The following IQCM variants were observed in gnomAD, a reference collection of about 807,000 sequenced individuals.
IQCM encodes IQ motif containing M, also known as IQ domain-containing protein M.
In IQCM, 45 loss-of-function variants were observed where a neutral mutation model predicts 57.6. The observed-to-expected ratio is 0.78, with a 90% CI of 0.62 to 1.00. The LOEUF is 1.00. Ranked by LOEUF, IQCM falls within the 50% of genes least tolerant of loss-of-function variation. IQCM has a pLI of 0.00. For synonymous variants in IQCM, 148 were observed against 158.9 expected (o/e 0.93, Z 0.51); for missense variants, 468 against 511.6 (o/e 0.91, Z 0.82).
At chr4:149,675,151 A>T (rs1002867807) in intron 7 of IQCM, among the ~76,000 whole-genome samples, 3 of 152,112 alleles carry the variant, frequency 2.0e-5, no homozygotes, top group Admixed American at 2.0e-4. Flanking sequence ...TCTATCCAAG[A>T]TAAATATCAC....
intron 12 of IQCM, among the ~76,000 whole-genome samples, chr4:149,485,624 T>C (rs2149762296): frequency 6.6e-6 from 1 of 152,238 alleles, no homozygotes; most frequent in East Asian, 1.9e-4. Context: ...CTCTATGTTA[T>C]CTTGAATTGA....
At chr4:149,788,242 G>T (rs1772252400) in intron 2 of IQCM, among the ~76,000 whole-genome samples, 1 of 152,196 alleles carries the variant, frequency 6.6e-6, no homozygotes. Flanking sequence ...GCTAAGGCAG[G>T]AGGATCGCTT....
At chr4:149,471,231 C>G (rs534675936) in intron 12 of IQCM, among the ~76,000 whole-genome samples, 1 of 151,876 alleles carries the variant, frequency 6.6e-6, no homozygotes, top group African/African-American at 2.4e-5. Flanking sequence ...GCAAGACCAA[C>G]AAAGAAGAAA....
chr4:149,679,414 A>T (rs1444408630), intron 7 of IQCM, among the ~76,000 whole-genome samples: 1 of 151,546 alleles, frequency 6.6e-6, no homozygotes, highest in Non-Finnish European at 1.5e-5. Context: ...ATGTAAATAT[A>T]TGGGTTGCCA....
chr4:149,803,284 A>C (rs992190248), intron 2 of IQCM, among the ~76,000 whole-genome samples: 1 of 152,034 alleles, frequency 6.6e-6, no homozygotes, highest in Admixed American at 6.6e-5. Context: ...ATTCCCATGT[A>C]ATATATTATA....
At chr4:149,613,028 A>T (rs1755442931) in intron 8 of IQCM, among the ~76,000 whole-genome samples, 1 of 152,072 alleles carries the variant, frequency 6.6e-6, no homozygotes, top group Admixed American at 6.6e-5. Flanking sequence ...TGACCCCCCA[A>T]AATTAGGAAA....
chr4:149,491,012 G>T (rs753176438), intron 12 of IQCM, among the ~76,000 whole-genome samples: 3 of 151,964 alleles, frequency 2.0e-5, no homozygotes, highest in Non-Finnish European at 2.9e-5. Context: ...CATAAAGTAC[G>T]TGAGTGGAAC....
intron 12 of IQCM, among the ~76,000 whole-genome samples, chr4:149,545,341 T>C (rs1209204871): frequency 6.6e-6 from 1 of 152,024 alleles, no homozygotes; most frequent in East Asian, 1.9e-4. Context: ...AAATAAATGA[T>C]AAAGATACAA....
At chr4:149,563,224 T>A (rs1420350317) in intron 10 of IQCM, among the ~76,000 whole-genome samples, 1 of 152,172 alleles carries the variant, frequency 6.6e-6, no homozygotes, top group Non-Finnish European at 1.5e-5. Flanking sequence ...GAAGGAAAGT[T>A]GCTCTAAACA....
At chr4:149,627,315 A>T (rs930980959) in intron 7 of IQCM, among the ~76,000 whole-genome samples, 1 of 152,192 alleles carries the variant, frequency 6.6e-6, no homozygotes, top group African/African-American at 2.4e-5. Flanking sequence ...CCAGGCATTG[A>T]CACCTGATCA....
intron 12 of IQCM, among the ~76,000 whole-genome samples, chr4:149,498,502 G>C (rs1742902370): frequency 6.6e-6 from 1 of 152,114 alleles, no homozygotes; most frequent in South Asian, 2.1e-4. Flanking sequence ...TGCCTTCTGA[G>C]CAAGGGGATC....
At chr4:149,583,591 C>A (rs568904007) in intron 9 of IQCM, among the ~76,000 whole-genome samples, 2 of 151,646 alleles carry the variant, frequency 1.3e-5, no homozygotes, top group East Asian at 3.9e-4. Flanking sequence ...AAAAATACAT[C>A]AAAAGAGTGT....
intron 12 of IQCM, among the ~76,000 whole-genome samples, chr4:149,478,163 T>C (rs960482292): frequency 6.6e-6 from 1 of 152,130 alleles, no homozygotes; most frequent in Non-Finnish European, 1.5e-5. Context: ...GAAAAGCACA[T>C]GAAAAGCCCC....
intron 2 of IQCM, among the ~76,000 whole-genome samples, chr4:149,756,474 G>A (rs1380538894): frequency 1.3e-5 from 2 of 151,980 alleles, no homozygotes; most frequent in African/African-American, 4.8e-5. Flanking sequence ...CTAAGTCTAA[G>A]AAATCATACA....
At chr4:149,735,634 C>T (rs906833903) in intron 3 of IQCM, among the ~76,000 whole-genome samples, 176 bp from the exon 4 acceptor site, 3 of 152,096 alleles carry the variant, frequency 2.0e-5, no homozygotes, top group African/African-American at 7.2e-5. Context: ...TCCTAAGTTA[C>T]TTCAGTCCAG....
At chr4:149,443,889 T>C (rs928767479) in intron 12 of IQCM, among the ~76,000 whole-genome samples, 1 of 151,936 alleles carries the variant, frequency 6.6e-6, no homozygotes, top group Non-Finnish European at 1.5e-5. Flanking sequence ...TAGGGAGATG[T>C]TTGGAAGGAG....
chr4:149,809,691 T>G (rs1429204489), intron 2 of IQCM, among the ~76,000 whole-genome samples: 1 of 152,186 alleles, frequency 6.6e-6, no homozygotes, highest in African/African-American at 2.4e-5. Flanking sequence ...CATTAGGATG[T>G]GCTCTGGTCC....
intron 2 of IQCM, among the ~76,000 whole-genome samples, chr4:149,772,994 T>A (rs1226104178): frequency 6.6e-6 from 1 of 152,226 alleles, no homozygotes; most frequent in African/African-American, 2.4e-5. Flanking sequence ...GGAAAAAATT[T>A]AAGTGGACAC....
In IQCM at chr4:149,413,101, C is replaced by T. The variant is rs151207500; in HGVS notation, c.1390+20295G>A. On this transcript the variant is annotated intron_variant, in intron 13 of 13. Coordinates refer to ENST00000636793, the MANE Select transcript of IQCM (RefSeq NM_001363507.2). ...ACATGTATGCACATTATAAAACACA[C>T]ATTAAAAGTACAAATTTCAAAAATA... Among the ~76,000 whole-genome samples the T allele has an allele frequency of 5.9e-5, 9 of 152,320 alleles. No individual in the cohort carries two copies. In the East Asian group the frequency reaches 1.4e-3, roughly 23 times the overall value.
Sources: allele counts gnomAD v4.1 joint callset (sites outside exome capture counted in the v4.1 genomes callset), GRCh38; gene constraint gnomAD v4.1.1; transcripts MANE v1.5; gene names NCBI Gene and HGNC (gene_info 2026-07-23, HGNC 2026-07-21).